Variants in GPHN observed in about 807,000 individuals in gnomAD.
GPHN encodes the protein gephyrin.
In GPHN, 17 loss-of-function variants were observed where a neutral mutation model predicts 95.5. The ratio of observed to expected loss-of-function variants is 0.18; its 90% CI spans 0.12 to 0.27. GPHN has a LOEUF of 0.27. Among genes scored for constraint, GPHN ranks in the 10% least tolerant of loss-of-function variants. GPHN has a pLI of 1.00. For missense variants in GPHN, 660 were observed against 978.1 expected (o/e 0.67, Z 4.34); for synonymous variants, 320 against 322.5 (o/e 0.99, Z 0.08).
At chr14:67,179,501 C>T (rs2083207242) in intron 21 of GPHN, 77 bp from the exon 22 acceptor site, 1 of 833,160 alleles carries the variant, frequency 1.2e-6, no homozygotes, top group Non-Finnish European at 2.1e-6. Flanking sequence ...GTATTCTTTG[C>T]ACAACCCCTA....
rs564230572 is a variant in GPHN, at chr14:67,105,561, G to A, written c.1294-4579G>A. Reference sequence around the variant, plus strand: ...GATTATTGTATCCTTGTGATAAATTGATCCCTTTATAATTATAGAATGACC... The same window carrying A: ...GATTATTGTATCCTTGTGATAAATTAATCCCTTTATAATTATAGAATGACC... On this transcript the variant is annotated intron_variant, in intron 13 of 22. Transcript: ENST00000478722. Among the ~76,000 whole-genome samples the A allele has an allele frequency of 6.6e-5, 10 of 152,162 alleles. No individual in the cohort carries two copies. In the East Asian group the frequency reaches 1.9e-3, roughly 29 times the overall value.
chr14:66,972,182 C>A (rs1230716934), intron 9 of GPHN, among the ~76,000 whole-genome samples: 1 of 149,080 alleles, frequency 6.7e-6, no homozygotes, highest in Non-Finnish European at 1.5e-5. Context: ...GCAGGAGAAT[C>A]ACTTGAACCC....
chr14:66,840,729 G>A (rs2062039254), intron 4 of GPHN, among the ~76,000 whole-genome samples: 1 of 131,476 alleles, frequency 7.6e-6, no homozygotes, highest in Non-Finnish European at 1.5e-5. Flanking sequence ...ATAGAGTGCA[G>A]GCCATACAAA....
the GPHN span, among the ~76,000 whole-genome samples, chr14:67,296,625 G>C: frequency 1.4e-5 from 2 of 140,204 alleles, no homozygotes; most frequent in Admixed American, 7.2e-5. Flanking sequence ...ATGGTGTCTA[G>C]ATCCTGAAGG....
chr14:66,899,469 A>G (rs1347627595), intron 5 of GPHN, among the ~76,000 whole-genome samples: 2 of 151,926 alleles, frequency 1.3e-5, no homozygotes, highest in East Asian at 3.9e-4. Context: ...AGTTTTTATC[A>G]TGGATCAGTG....
chr14:67,453,980 T>G, the GPHN span: 3 of 152,198 alleles, frequency 2.0e-5, no homozygotes, highest in African/African-American at 4.8e-5. Context: ...ATCAAGTCCT[T>G]AGGTTAGCAC....
chr14:67,347,393 A>G, the GPHN span: 1 of 1,585,534 alleles, frequency 6.3e-7, no homozygotes, highest in Non-Finnish European at 8.6e-7. Flanking sequence ...AGTAATACAA[A>G]AAGTTTCACA....
At chr14:67,261,112 C>T in the GPHN span, among the ~76,000 whole-genome samples, 2 of 152,074 alleles carry the variant, frequency 1.3e-5, no homozygotes, top group African/African-American at 4.8e-5. Context: ...ATGTCAGGTG[C>T]TTAGCATAGT....
At chr14:67,086,828 G>C (rs2076913922) in intron 11 of GPHN, among the ~76,000 whole-genome samples, 1 of 151,132 alleles carries the variant, frequency 6.6e-6, no homozygotes, top group South Asian at 2.1e-4. Flanking sequence ...CATGAGGTCA[G>C]GAGATCGAGA....
At chr14:67,104,659 G>T (rs1211689591) in intron 13 of GPHN, among the ~76,000 whole-genome samples, 1 of 152,070 alleles carries the variant, frequency 6.6e-6, no homozygotes, top group African/African-American at 2.4e-5. Flanking sequence ...CTTCATAGTA[G>T]TCTCTAATGA....
rs557930039 is a variant in GPHN, at chr14:66,618,751, T to C, written c.65-62356T>C. On this transcript the variant is annotated intron_variant, in intron 1 of 22. Coordinates refer to ENST00000478722, the MANE Select transcript of GPHN (RefSeq NM_020806.5). ...TTGGAGTGTGTTATTTATGTTTCTG[T>C]TGGTGGTGGGAGGGTAGACATGACA... 6.6e-5 allele frequency among the ~76,000 whole-genome samples: 10 copies of C among 152,264 alleles called. No individual in the cohort carries two copies. In the South Asian group the frequency reaches 1.7e-3, roughly 25 times the overall value.
chr14:67,198,045 T>G, the GPHN span: 2 of 1,273,798 alleles, frequency 1.6e-6, no homozygotes, highest in Non-Finnish European at 2.2e-6. Flanking sequence ...CAGATATTGA[T>G]AAAATTTGCT....
the GPHN span, chr14:67,382,284 G>A: frequency 1.2e-5 from 6 of 500,146 alleles, no homozygotes; most frequent in South Asian, 3.2e-5. Flanking sequence ...ACCCCAAAAC[G>A]TAATTGCCAA....
At chr14:66,567,303 G>A (rs2060498957) in intron 1 of GPHN, among the ~76,000 whole-genome samples, 1 of 152,180 alleles carries the variant, frequency 6.6e-6, no homozygotes, top group African/African-American at 2.4e-5. Flanking sequence ...TGGTGGCGTA[G>A]TTTTGGCAGC....
intron 8 of GPHN, 145 bp downstream of exon 8, chr14:66,924,437 A>G (rs937383878): frequency 4.4e-6 from 3 of 688,890 alleles, no homozygotes; most frequent in Non-Finnish European, 2.7e-6. Context: ...TGTGAGTGCC[A>G]TTGAGTATAT....
At chr14:66,720,103 A>C (rs2070589828) in intron 2 of GPHN, among the ~76,000 whole-genome samples, 1 of 152,200 alleles carries the variant, frequency 6.6e-6, no homozygotes, top group African/African-American at 2.4e-5. Flanking sequence ...TCAATGGATC[A>C]TTATATAACC....
the GPHN span, among the ~76,000 whole-genome samples, chr14:67,608,406 T>G: frequency 2.0e-5 from 3 of 152,196 alleles, no homozygotes; most frequent in Admixed American, 2.0e-4. Flanking sequence ...GAGGATTGCA[T>G]AGGCTATATG....
chr14:67,559,641 C>G, the GPHN span: 1 of 1,605,334 alleles, frequency 6.2e-7, no homozygotes, highest in South Asian at 1.1e-5. Context: ...AAAAACTGTT[C>G]AAGAAAAAGC....
the GPHN span, among the ~76,000 whole-genome samples, chr14:67,531,332 C>A: frequency 0.61 from 92,046 of 151,898 alleles, 28,339 homozygotes; most frequent in Non-Finnish European, 0.66. Context: ...AGTCACATAG[C>A]TAAAAAGTGG....
Sources: gnomAD v4.1 joint callset for allele counts (sites outside exome capture counted in the v4.1 genomes callset) on GRCh38, gnomAD v4.1.1 for gene constraint, MANE v1.5 for transcripts, NCBI Gene and HGNC (gene_info 2026-07-23, HGNC 2026-07-21) for gene names.